PDLIM5: variants seen among roughly 807,000 people sequenced by gnomAD.
PDLIM5 encodes PDZ and LIM domain protein 5.
A neutral mutation model predicts 64.2 loss-of-function variants in PDLIM5; 34 were observed. The ratio of observed to expected loss-of-function variants is 0.53; its 90% CI spans 0.40 to 0.71. PDLIM5 has a LOEUF of 0.71. Among genes scored for constraint, PDLIM5 ranks in the 30% least tolerant of loss-of-function variants. PDLIM5 has a pLI of 0.00. For synonymous variants in PDLIM5, 253 were observed against 269.1 expected (o/e 0.94, Z 0.59); for missense variants, 683 against 733.6 (o/e 0.93, Z 0.80).
intron 8 of PDLIM5, among the ~76,000 whole-genome samples, chr4:94,625,783 C>T (rs895599037): frequency 6.6e-6 from 1 of 152,032 alleles, no homozygotes; most frequent in Non-Finnish European, 1.5e-5. Context: ...TCTGATAGTC[C>T]GTATTGAACA....
chr4:94,643,023 A>T (rs138523394), intron 9 of PDLIM5, among the ~76,000 whole-genome samples: 5 of 152,254 alleles, frequency 3.3e-5, no homozygotes, highest in African/African-American at 1.2e-4. Context: ...TTTTTATGTA[A>T]AGGCAAACTA....
chr4:94,633,266 G>A (rs1358313758), intron 8 of PDLIM5, among the ~76,000 whole-genome samples: 1 of 152,120 alleles, frequency 6.6e-6, no homozygotes, highest in Non-Finnish European at 1.5e-5. Context: ...CATTTATTAA[G>A]TTGTACTAGT....
Position 94,664,149 on chromosome 4 carries a change from T to C in PDLIM5, c.*82T>C. The C allele has an allele frequency of 7.5e-7, 1 of 1,334,282 alleles. No homozygotes were observed. Among genetic ancestry groups the C allele is most frequent in the South Asian group, 1.8e-5 (1 of 55,456 alleles). The allele number at this position is 1,334,282 out of a possible 1,614,324, so 82.7% of individuals were successfully genotyped here. On this transcript the variant is annotated 3_prime_UTR_variant, in exon 13 of 13. Transcript: ENST00000317968. The stretch of plus-strand genomic sequence containing the variant: ...TACTAATTAATTTTTAGATTCAATA[T>C]TTATATGGAGTTTTGAAAAATAATA...
At chr4:94,606,740 A>T (rs565821801) in intron 7 of PDLIM5, among the ~76,000 whole-genome samples, 2 of 152,186 alleles carry the variant, frequency 1.3e-5, no homozygotes, top group African/African-American at 4.8e-5. Flanking sequence ...AAAGGTCCAG[A>T]TAGGAAATGT....
intron 11 of PDLIM5, among the ~76,000 whole-genome samples, chr4:94,658,549 A>T (rs1055312828): frequency 1.3e-5 from 2 of 152,168 alleles, no homozygotes; most frequent in Admixed American, 6.5e-5. Context: ...ACTGAGTTTT[A>T]TTGTTATTCT....
intron 2 of PDLIM5, among the ~76,000 whole-genome samples, chr4:94,475,495 G>T (rs1331861329): frequency 6.6e-6 from 1 of 152,136 alleles, no homozygotes; most frequent in East Asian, 1.9e-4. Context: ...TAGAAATGAT[G>T]ATGAGTATTT....
chr4:94,524,024 T>G, intron 3 of PDLIM5, 149 bp downstream of exon 3: 1 of 570,334 alleles, frequency 1.8e-6, no homozygotes. Flanking sequence ...AATTGGATAA[T>G]TAAGCAGCAA....
chr4:94,500,823 T>TC (rs1560658990), intron 2 of PDLIM5, among the ~76,000 whole-genome samples: 1 of 151,916 alleles, frequency 6.6e-6, no homozygotes, highest in Non-Finnish European at 1.5e-5. Context: ...TCTGGCTGTC[T>TC]CCCAAGCTGG....
At chr4:94,586,839 A>T in intron 7 of PDLIM5, 1 of 676,912 alleles carries the variant, frequency 1.5e-6, no homozygotes, top group Non-Finnish European at 2.4e-6. Flanking sequence ...TACCCTTAAA[A>T]TTTTTGCCAC....
intron 8 of PDLIM5, among the ~76,000 whole-genome samples, chr4:94,636,387 A>G (rs1244954279): frequency 6.6e-6 from 1 of 150,534 alleles, no homozygotes; most frequent in Non-Finnish European, 1.5e-5. Context: ...TTTTTAAAGT[A>G]TCTATCTCTA....
chr4:94,481,528 T>C (rs1222099151), intron 2 of PDLIM5, among the ~76,000 whole-genome samples: 1 of 151,088 alleles, frequency 6.6e-6, no homozygotes, highest in East Asian at 2.0e-4. Flanking sequence ...GTGATCTGCC[T>C]GCCTCGCCTC....
intron 9 of PDLIM5, among the ~76,000 whole-genome samples, chr4:94,649,724 T>A (rs769043364): frequency 6.6e-6 from 1 of 152,258 alleles, no homozygotes; most frequent in African/African-American, 2.4e-5. Flanking sequence ...TGTTGCCAAA[T>A]TGAAATTATA....
At position 94,466,403 on chromosome 4, in the gene PDLIM5, GA is replaced by G. The variant is rs760368178; in HGVS notation, c.96+11022del. 2.6e-5 allele frequency among the ~76,000 whole-genome samples: 4 copies of G among 152,158 alleles called. No homozygotes were observed. In the East Asian group the frequency reaches 7.7e-4, roughly 29 times the overall value. On this transcript the variant is annotated intron_variant, in intron 2 of 12. Coordinates refer to ENST00000317968, the MANE Select transcript of PDLIM5 (RefSeq NM_006457.5). ...TAGTCAGAATCATCAGTGAGACTTT[GA>G]AAGTGTGGATCCAAGGACTTTGACA... is the stretch of plus-strand genomic sequence containing the variant.
At chr4:94,505,757 C>T (rs1466661492) in intron 2 of PDLIM5, among the ~76,000 whole-genome samples, 2 of 152,154 alleles carry the variant, frequency 1.3e-5, no homozygotes, top group Non-Finnish European at 1.5e-5. Context: ...CAGGGCAGGG[C>T]GTATGAAAAG....
intron 2 of PDLIM5, among the ~76,000 whole-genome samples, chr4:94,497,005 T>C (rs1727461526): frequency 6.6e-6 from 1 of 152,168 alleles, no homozygotes; most frequent in Non-Finnish European, 1.5e-5. Flanking sequence ...CATTAAAATT[T>C]GAGACTTCCT....
At chr4:94,472,006 G>C (rs1724917202) in intron 2 of PDLIM5, among the ~76,000 whole-genome samples, 1 of 151,890 alleles carries the variant, frequency 6.6e-6, no homozygotes, top group Non-Finnish European at 1.5e-5. Context: ...ACTAGTAATA[G>C]GGAGTTGAAA....
intron 3 of PDLIM5, among the ~76,000 whole-genome samples, chr4:94,528,247 C>G (rs1730548195): frequency 6.6e-6 from 1 of 152,208 alleles, no homozygotes; most frequent in Non-Finnish European, 1.5e-5. Context: ...CGAGTGTCTC[C>G]TGCCCACAGT....
chr4:94,521,133 G>A (rs908449594), intron 2 of PDLIM5, among the ~76,000 whole-genome samples: 14 of 152,088 alleles, frequency 9.2e-5, no homozygotes, highest in African/African-American at 3.4e-4. Context: ...AATTATAGAT[G>A]GCTTGTATTT....
At chr4:94,550,433 C>G (rs1732709564) in intron 3 of PDLIM5, among the ~76,000 whole-genome samples, 1 of 152,128 alleles carries the variant, frequency 6.6e-6, no homozygotes, top group Non-Finnish European at 1.5e-5. Flanking sequence ...TGCCATTGTC[C>G]TTGTAAAATT....
Sources: allele counts gnomAD v4.1 joint callset (sites outside exome capture counted in the v4.1 genomes callset), GRCh38; gene constraint gnomAD v4.1.1; transcripts MANE v1.5; gene names NCBI Gene and HGNC (gene_info 2026-07-23, HGNC 2026-07-21).